Variants in SPRY3 observed in about 807,000 individuals in gnomAD.
SPRY3 encodes the protein sprouty RTK signaling antagonist 3.
Under a neutral mutation model 20.2 loss-of-function variants are expected in SPRY3, and 15 were observed. That is an observed-to-expected ratio of 0.74 (90% confidence interval 0.50 to 1.14). SPRY3 has a LOEUF of 1.14. Ranked by LOEUF, SPRY3 falls within the 50% of genes most tolerant of loss-of-function variation. The pLI, the probability that SPRY3 is intolerant of heterozygous loss-of-function variation, is 0.00. For missense variants in SPRY3, 364 were observed against 363.9 expected, an observed-to-expected ratio of 1.00 and a Z score of 0.00; for synonymous variants, 143 against 136.5, an observed-to-expected ratio of 1.05 and a Z score of -0.33.
chrX:155,659,302 G>A (rs782604099), intron 2 of SPRY3, among the ~76,000 whole-genome samples: 10 of 109,744 alleles, frequency 9.1e-5, no homozygotes, highest in Non-Finnish European at 1.5e-4. Flanking sequence ...CTGCCACCAC[G>A]CCTGGCTAAT....
intron 2 of SPRY3, among the ~76,000 whole-genome samples, chrX:155,725,567 A>G (rs1056765161): frequency 6.6e-5 from 10 of 152,292 alleles, no homozygotes; most frequent in African/African-American, 2.4e-4. Flanking sequence ...TGTGTCAAGG[A>G]ATTTATCTAT....
At chrX:155,732,512 C>T (rs1020562208) in intron 2 of SPRY3, among the ~76,000 whole-genome samples, 10 of 152,000 alleles carry the variant, frequency 6.6e-5, no homozygotes, top group African/African-American at 2.4e-4. Flanking sequence ...GAAATAGTGC[C>T]AAGTATGTGG....
intron 1 of SPRY3, among the ~76,000 whole-genome samples, chrX:155,639,036 T>G (rs1303048070): frequency 1.8e-5 from 2 of 111,768 alleles, no homozygotes; most frequent in South Asian, 7.6e-4. Flanking sequence ...TGCTTCCTCC[T>G]TTTGTCCCTA....
chrX:155,624,509 TTATC>T (rs782449458), intron 1 of SPRY3, among the ~76,000 whole-genome samples: 9 of 93,381 alleles, frequency 9.6e-5, no homozygotes, highest in Non-Finnish European at 1.7e-4. Flanking sequence ...TATCATCTAT[TTATC>T]TATCATCTAT....
chrX:155,713,666 C>T (rs2091002371), intron 2 of SPRY3, among the ~76,000 whole-genome samples: 1 of 151,942 alleles, frequency 6.6e-6, no homozygotes, highest in Non-Finnish European at 1.5e-5. Context: ...TGTTAAATGC[C>T]TTGAGGTAGT....
At chrX:155,775,874 G>T (rs1423403272) in exon 4 of SPRY3, 1 of 167,080 alleles carries the variant, frequency 6.0e-6, no homozygotes, top group East Asian at 1.9e-4. Context: ...GACATAAAAA[G>T]TCATAAAACG....
At chrX:155,680,701 A>G (rs1030629305) in intron 2 of SPRY3, among the ~76,000 whole-genome samples, 1 of 111,713 alleles carries the variant, frequency 9.0e-6, no homozygotes, top group African/African-American at 3.2e-5. Flanking sequence ...TAGATACTGC[A>G]TTTTTTACAA....
At chrX:155,733,200 A>C (rs2124565639) in intron 2 of SPRY3, among the ~76,000 whole-genome samples, 1 of 151,908 alleles carries the variant, frequency 6.6e-6, no homozygotes, top group South Asian at 2.1e-4. Context: ...GAGATTATAG[A>C]TATCTCATTT....
At chrX:155,674,490 A>G (rs1186129158) in intron 2 of SPRY3, among the ~76,000 whole-genome samples, 1 of 111,262 alleles carries the variant, frequency 9.0e-6, no homozygotes, top group African/African-American at 3.3e-5. Flanking sequence ...GGCTAAATCT[A>G]ATGGTTATAC....
At chrX:155,724,030 A>G (rs1054667882) in intron 2 of SPRY3, among the ~76,000 whole-genome samples, 1 of 152,160 alleles carries the variant, frequency 6.6e-6, no homozygotes, top group Non-Finnish European at 1.5e-5. Context: ...AACACCATTT[A>G]TTAGATAGGG....
chrX:155,716,546 C>T (rs2091023922), intron 2 of SPRY3, among the ~76,000 whole-genome samples: 1 of 152,026 alleles, frequency 6.6e-6, no homozygotes, highest in Non-Finnish European at 1.5e-5. Context: ...TAATATATTT[C>T]ATCAACTTAA....
intron 2 of SPRY3, among the ~76,000 whole-genome samples, chrX:155,681,432 C>A (rs1258604434): frequency 9.0e-6 from 1 of 111,671 alleles, no homozygotes; most frequent in African/African-American, 3.3e-5. Flanking sequence ...CTCAGGTATG[C>A]CTTTATCAGC....
At chrX:155,619,145 A>G (rs904514649) in intron 1 of SPRY3, among the ~76,000 whole-genome samples, 2 of 111,113 alleles carry the variant, frequency 1.8e-5, no homozygotes, top group African/African-American at 6.5e-5. Context: ...TTTTAAAAAA[A>G]GTTTTATAGT....
At chrX:155,632,933 G>C (rs1484049776) in intron 1 of SPRY3, among the ~76,000 whole-genome samples, 3 of 111,169 alleles carry the variant, frequency 2.7e-5, no homozygotes, top group African/African-American at 6.6e-5. Flanking sequence ...ACACTGAGAT[G>C]AGTGCCCTGA....
chrX:155,768,695 T>C (rs1021227417), intron 3 of SPRY3, among the ~76,000 whole-genome samples: 5 of 152,176 alleles, frequency 3.3e-5, no homozygotes, highest in Non-Finnish European at 5.9e-5. Context: ...TAGAAATCTC[T>C]GTATCCGTGC....
chrX:155,717,738 A>C lies in SPRY3; in HGVS notation c.-281-50224A>C, dbSNP rs754058639. On this transcript the variant is annotated intron_variant, in intron 2 of 3. Transcript: ENST00000675360. The stretch of plus-strand genomic sequence containing the variant: ...ATGTCCCTGGAAAGGATATGAACTC[A>C]TCCTTTTTTATGGCTGCAGGGTATT... Among the ~76,000 whole-genome samples the C allele has an allele frequency of 5.9e-5, 9 of 152,152 alleles. No homozygotes were observed. The South Asian group carries it at 1.9e-3, about 32-fold the overall frequency.
chrX:155,637,114 G>A (rs997108995), intron 1 of SPRY3, among the ~76,000 whole-genome samples: 1 of 107,052 alleles, frequency 9.3e-6, no homozygotes, highest in African/African-American at 3.4e-5. Context: ...CAGCACACCA[G>A]CATGGCACAT....
intron 2 of SPRY3, among the ~76,000 whole-genome samples, chrX:155,706,681 C>T (rs2090953755): frequency 6.6e-6 from 1 of 150,612 alleles, no homozygotes; most frequent in African/African-American, 2.4e-5. Context: ...ACCACACATA[C>T]ATTAAAAAGA....
chrX:155,722,402 T>A (rs1014670871), intron 2 of SPRY3, among the ~76,000 whole-genome samples: 14 of 152,104 alleles, frequency 9.2e-5, no homozygotes, highest in African/African-American at 3.4e-4. Context: ...ATGCCTGTGG[T>A]CCCAGCTACT....
Sources: gnomAD v4.1 joint callset for allele counts (sites outside exome capture counted in the v4.1 genomes callset) on GRCh38, gnomAD v4.1.1 for gene constraint, MANE v1.5 for transcripts, NCBI Gene and HGNC (gene_info 2026-07-23, HGNC 2026-07-21) for gene names.